Variants in AGBL4 observed in about 807,000 individuals in gnomAD.
AGBL4 encodes the protein cytosolic carboxypeptidase 6.
AGBL4 carries 58 observed loss-of-function variants against 66.4 expected under a neutral mutation model. The observed-to-expected ratio is 0.87, with a 90% CI of 0.71 to 1.09. AGBL4 has a LOEUF of 1.09. Ranked by LOEUF, AGBL4 falls within the 50% of genes least tolerant of loss-of-function variation. The probability of loss-of-function intolerance (pLI) is 0.00; values close to 1 mark genes in which losing one functional copy is unlikely to be tolerated. For missense variants in AGBL4, 579 were observed against 631.0 expected, an observed-to-expected ratio of 0.92 and a Z score of 0.88; for synonymous variants, 234 against 222.9, an observed-to-expected ratio of 1.05 and a Z score of -0.44.
chr1:49,388,102 A>G (rs1644771356), intron 3 of AGBL4, among the ~76,000 whole-genome samples: 1 of 152,112 alleles, frequency 6.6e-6, no homozygotes, highest in Non-Finnish European at 1.5e-5. Flanking sequence ...CAGTCAGTTA[A>G]CTAGATTTAT....
chr1:49,284,614 T>C (rs1219934308), intron 3 of AGBL4, among the ~76,000 whole-genome samples: 3 of 152,200 alleles, frequency 2.0e-5, no homozygotes, highest in Non-Finnish European at 2.9e-5. Context: ...CAGTGTGCTG[T>C]ATTCTGGAAA....
At chr1:48,642,114 T>C (rs542451683) in intron 8 of AGBL4, among the ~76,000 whole-genome samples, 5 of 152,094 alleles carry the variant, frequency 3.3e-5, no homozygotes, top group South Asian at 2.1e-4. Flanking sequence ...ATAGCCCCCA[T>C]TGACCCCTTG....
intron 1 of AGBL4, among the ~76,000 whole-genome samples, chr1:49,915,325 C>T (rs1651310233): frequency 6.6e-6 from 1 of 152,118 alleles, no homozygotes; most frequent in South Asian, 2.1e-4. Flanking sequence ...CAGGGAATTC[C>T]CTTTCTTAGC....
intron 4 of AGBL4, among the ~76,000 whole-genome samples, chr1:49,132,879 C>T (rs1406627713): frequency 6.6e-6 from 1 of 152,110 alleles, no homozygotes; most frequent in Non-Finnish European, 1.5e-5. Flanking sequence ...CCCAGCAATC[C>T]CATTACTGGG....
intron 4 of AGBL4, among the ~76,000 whole-genome samples, chr1:49,144,159 T>TCCC (rs1333928873): frequency 6.6e-6 from 1 of 152,192 alleles, no homozygotes; most frequent in East Asian, 1.9e-4. Context: ...GTTAACTTGC[T>TCCC]CTATCCTAGA....
intron 4 of AGBL4, among the ~76,000 whole-genome samples, chr1:49,051,406 C>A (rs1644207624): frequency 6.6e-6 from 1 of 152,170 alleles, no homozygotes; most frequent in African/African-American, 2.4e-5. Context: ...ATTTATCCAA[C>A]AACGGCAGTT....
In AGBL4 at chr1:49,999,265, C is replaced by T. The variant is rs112266406; in HGVS notation, c.34+24498G>A. 6.6e-5 allele frequency among the ~76,000 whole-genome samples: 10 copies of T among 151,552 alleles called. 1 individual carries two copies. Among genetic ancestry groups the T allele is most frequent in the African/African-American group, 2.4e-4 (10 of 41,308 alleles). ...CAAAATTAATGTACACAAACAGTAG[C>T]TCTGCTATACACCAACAGCAAGCAG... On this transcript the variant is annotated intron_variant, in intron 1 of 13. Transcript: ENST00000371839.
intron 5 of AGBL4, among the ~76,000 whole-genome samples, chr1:49,018,788 T>A (rs1663018043): frequency 6.6e-6 from 1 of 152,190 alleles, no homozygotes; most frequent in Non-Finnish European, 1.5e-5. Context: ...CCTAGATATT[T>A]CTTGAATTTT....
chr1:48,711,206 G>T lies in AGBL4; in HGVS notation c.635-47965C>A, dbSNP rs75496784. On this transcript the variant is annotated intron_variant, in intron 6 of 13. Coordinates refer to ENST00000371839, the MANE Select transcript of AGBL4 (RefSeq NM_032785.4). Reference sequence around the variant, plus strand: ...ATGACAAAGGCTGGGCTGCACTCTTGGGGGGCTGTGGAGGAGCAGGGATCA... The same window carrying T: ...ATGACAAAGGCTGGGCTGCACTCTTTGGGGGCTGTGGAGGAGCAGGGATCA... Among the ~76,000 whole-genome samples the T allele has an allele frequency of 3.4e-3, 520 of 152,282 alleles. 2 individuals carry two copies. The highest frequency in any genetic ancestry group is 0.011 in the African/African-American group (466 of 41,554).
intron 3 of AGBL4, among the ~76,000 whole-genome samples, chr1:49,440,704 A>G (rs1323950186): frequency 6.6e-6 from 1 of 152,166 alleles, no homozygotes; most frequent in Non-Finnish European, 1.5e-5. Context: ...AGCTGAAATT[A>G]TGGAAAAACA....
intron 6 of AGBL4, among the ~76,000 whole-genome samples, chr1:48,753,240 T>C (rs181509130): frequency 4.6e-4 from 70 of 152,362 alleles, no homozygotes; most frequent in African/African-American, 1.6e-3. Context: ...GAGCTGGTTC[T>C]CCTGTCTGTA....
intron 2 of AGBL4, among the ~76,000 whole-genome samples, chr1:49,721,892 T>C (rs1002443080): frequency 2.6e-5 from 4 of 152,096 alleles, no homozygotes; most frequent in Admixed American, 6.6e-5. Context: ...AAAACAGTAA[T>C]ACAGAAATTT....
At chr1:48,968,098 CAGAG>C (rs66864421) in intron 5 of AGBL4, among the ~76,000 whole-genome samples, 75,281 of 151,324 alleles carry the variant, frequency 0.5, 18,913 homozygotes, top group Middle Eastern at 0.56. Flanking sequence ...ATCTCCCTGT[CAGAG>C]AGAACAGGAA....
intron 3 of AGBL4, among the ~76,000 whole-genome samples, chr1:49,250,627 A>G (rs1651978169): frequency 6.6e-6 from 1 of 151,956 alleles, no homozygotes; most frequent in African/African-American, 2.4e-5. Flanking sequence ...TACTTTTAGT[A>G]GAGACAGGGT....
intron 6 of AGBL4, among the ~76,000 whole-genome samples, chr1:48,731,589 T>G (rs1316175677): frequency 1.3e-5 from 2 of 152,020 alleles, no homozygotes; most frequent in South Asian, 2.1e-4. Context: ...CAGATCTGGG[T>G]GGTAAGCAGC....
At chr1:49,575,941 T>C (rs532745151) in intron 3 of AGBL4, among the ~76,000 whole-genome samples, 1 of 152,242 alleles carries the variant, frequency 6.6e-6, no homozygotes, top group Non-Finnish European at 1.5e-5. Context: ...GATGACATTA[T>C]GCTGACTGGA....
intron 3 of AGBL4, among the ~76,000 whole-genome samples, chr1:49,608,428 G>A (rs1239210530): frequency 2.0e-5 from 3 of 152,098 alleles, no homozygotes; most frequent in South Asian, 2.1e-4. Flanking sequence ...GGCCCAAAGA[G>A]CCTAAAGAGT....
chr1:48,872,681 A>C (rs189935947), intron 5 of AGBL4, among the ~76,000 whole-genome samples: 1 of 152,192 alleles, frequency 6.6e-6, no homozygotes, highest in East Asian at 1.9e-4. Context: ...AAACAAACAA[A>C]CAAACAACCA....
In AGBL4 at chr1:49,011,595, G is replaced by A. The variant is rs991776151; in HGVS notation, c.594+33989C>T. ...ACACATGCACACATATGTTTATTGC[G>A]GCACTATTCACAATAGCAAAGACTT... On this transcript the variant is annotated intron_variant, in intron 5 of 13. Coordinates refer to ENST00000371839, the MANE Select transcript of AGBL4 (RefSeq NM_032785.4). Among the ~76,000 whole-genome samples the A allele has an allele frequency of 1.3e-4, 20 of 151,868 alleles. 1 individual carries two copies. In the South Asian group the frequency reaches 1.5e-3, roughly 11 times the overall value.
Sources: allele counts gnomAD v4.1 joint callset (sites outside exome capture counted in the v4.1 genomes callset), GRCh38; gene constraint gnomAD v4.1.1; transcripts MANE v1.5; gene names NCBI Gene and HGNC (gene_info 2026-07-23, HGNC 2026-07-21).